MIB2: variants seen among roughly 807,000 people sequenced by gnomAD.
MIB2 encodes the protein MIB E3 ubiquitin protein ligase 2.
Under a neutral mutation model 96.6 loss-of-function variants are expected in MIB2, and 78 were observed. The observed-to-expected ratio is 0.81, with a 90% CI of 0.67 to 0.97. The LOEUF (loss-of-function observed/expected upper bound fraction) is 0.97. MIB2 is among the 50% of genes least tolerant of loss of function. MIB2 has a pLI of 0.00. For missense variants in MIB2, 1,543 were observed against 1,424.0 expected (o/e 1.08, Z -1.35); for synonymous variants, 820 against 629.5 (o/e 1.30, Z -4.53).
chr1:1,628,597 A>T lies in MIB2; in HGVS notation c.2077A>T (p.Ser693Cys). The change falls in exon 16 of 20, where the codon AGT becomes TGT. Residue 693 changes from serine to cysteine, a missense_variant. By Grantham distance (112) the Ser-to-Cys change is moderately radical. Transcript: ENST00000355826. ...LVPLLVDAGC[S>C]VNAEDEEGDT... ...GCCGCTACTGGTGGACGCTGGGTGC[A>T]GTGTCAACGCCGAGGACGAGGAGGG... is the stretch of plus-strand genomic sequence containing the variant. 6.2e-7 allele frequency: 1 copy of T among 1,600,816 alleles called. No homozygotes were observed. Among genetic ancestry groups the T allele is most frequent in the Non-Finnish European group, 8.5e-7 (1 of 1,177,788 alleles).
chr1:1,622,725 C>G (rs1644370428), intron 2 of MIB2, among the ~76,000 whole-genome samples: 1 of 152,168 alleles, frequency 6.6e-6, no homozygotes, highest in African/African-American at 2.4e-5. Context: ...GTCGTGAGTG[C>G]CTTGCGTGGC....
At chr1:1,619,310 G>A (rs1644041276) in intron 2 of MIB2, 1 of 152,320 alleles carries the variant, frequency 6.6e-6, no homozygotes, top group South Asian at 2.1e-4. Context: ...GGGAGGCGGA[G>A]CTTGCAGTGA....
intron 4 of MIB2, 132 bp from the exon 5 acceptor site, chr1:1,624,663 A>G (rs1644568324): frequency 1.2e-6 from 1 of 829,358 alleles, no homozygotes; most frequent in African/African-American, 1.7e-5. Context: ...CCCGGGCAAG[A>G]GCTGGGGCTG....
rs1335413623 is a variant in MIB2, at chr1:1,615,649, G to A, written c.-130+16G>A. ...TCGGCTGATGGTGCGTGCGGGCGCG[G>A]ATCTCCTCCCCTGGTCCTCCGCACC... On this transcript the variant is annotated intron_variant, in intron 1 of 19. Coordinates refer to ENST00000355826, the MANE Select transcript of MIB2 (RefSeq NM_001170687.4). 2 of 1,573,522 alleles carry A rather than the reference G, an allele frequency of 1.3e-6. No homozygotes were observed. The highest frequency in any genetic ancestry group is 1.7e-6 in the Non-Finnish European group (2 of 1,163,666).
Position 1,627,156 on chromosome 1 carries a change from G to A in MIB2, c.1323G>A (p.Ala441=), listed in dbSNP as rs11544452. The change falls in exon 11 of 20, where the codon GCG becomes GCA. Residue 441 remains alanine, a synonymous_variant. Transcript: ENST00000355826. ...CGGGAAGGCTGGTGGTGGAGGTGGC[G>A]CTGGGTAACGCAGCCCGGGCTCTGG... The part of the protein sequence containing the change: ...EHPGRLVVEV[A]LGNAARALDL... 0.13 allele frequency: 210,798 copies of A among 1,589,536 alleles called. 16,143 individuals are homozygous for A. The highest frequency in any genetic ancestry group is 0.31 in the Admixed American group (17,436 of 55,460).
Position 1,628,060 on chromosome 1 carries a change from G to T in MIB2, c.1722G>T (p.Ala574=), listed in dbSNP as rs371136243. The T allele has an allele frequency of 1.2e-6, 2 of 1,613,166 alleles. No individual in the cohort carries two copies. The highest frequency in any genetic ancestry group is 8.5e-7 in the Non-Finnish European group (1 of 1,179,972). Residue 574 remains alanine, a synonymous_variant, in exon 14 of 20, where the codon GCG becomes GCT. Transcript: ENST00000355826. ...CGCCCCTGCACTCCGCCATCTCGGCGGGCACTGGAGCCAGCGGCATTGTCG... is the reference window on the plus strand; with the variant it reads ...CGCCCCTGCACTCCGCCATCTCGGCTGGCACTGGAGCCAGCGGCATTGTCG... ...SDTPLHSAIS[A]GTGASGIVEV...
In MIB2 at chr1:1,629,468, G is replaced by T. The variant is rs972931841; in HGVS notation, c.2465G>T (p.Gly822Val). 3.3e-6 allele frequency: 5 copies of T among 1,531,802 alleles called. No homozygotes were observed. The highest frequency in any genetic ancestry group is 1.4e-5 in the African/African-American group (1 of 72,498). 94.9% of individuals were successfully genotyped at this position (1,531,802 alleles called of 1,614,324 possible). The change falls in exon 18 of 20, where the codon GGC becomes GTC. Residue 822 changes from glycine (G) to valine (V), a missense_variant. Physicochemically the swap from Gly to Val is moderately radical, Grantham distance 109. Transcript: ENST00000355826. ...TPNTVTNLHV[G>V]AAPGPEAAEC... The stretch of plus-strand genomic sequence containing the variant: ...AACACCGTGACGAACCTGCACGTGG[G>T]CGCCGCGCCGGGGCCCGAGGCCGCT...
intron 1 of MIB2, 53 bp from the exon 2 acceptor site, chr1:1,616,455 A>G (rs1643692023): frequency 7.6e-7 from 1 of 1,324,494 alleles, no homozygotes; most frequent in Non-Finnish European, 1.0e-6. Context: ...CAGGCGACCG[A>G]GCCGCGGGTC....
chr1:1,620,790 C>T (rs1005291596), intron 2 of MIB2, among the ~76,000 whole-genome samples: 3 of 152,228 alleles, frequency 2.0e-5, no homozygotes, highest in Non-Finnish European at 4.4e-5. Context: ...CAGAGCCTGC[C>T]CCCCAGCTGG....
chr1:1,624,890 G>A lies in MIB2; in HGVS notation c.515G>A (p.Gly172Asp). ...GTGCGAGGCCCCGACTGGGAGTGGG[G>A]CTCACAGGATGGTGAGTGGAGGCAG... ...KVVRGPDWEWGSQDGGEGKPG... is the reference protein window; with the variant it reads ...KVVRGPDWEWDSQDGGEGKPG... The change falls in exon 5 of 20, where the codon GGC becomes GAC. Residue 172 changes from glycine (G) to aspartate (D), a missense_variant. Physicochemically the swap from Gly to Asp is moderately conservative, Grantham distance 94 (BLOSUM62 -1). Transcript: ENST00000355826. 6.2e-7 allele frequency: 1 copy of A among 1,612,804 alleles called. No homozygotes were observed. The highest frequency in any genetic ancestry group is 1.1e-5 in the South Asian group (1 of 91,072).
chr1:1,626,730 C>A lies in MIB2; in HGVS notation c.1053C>A (p.Gly351=). The A allele has an allele frequency of 6.3e-7, 1 of 1,598,494 alleles. No homozygotes were observed. Among genetic ancestry groups the A allele is most frequent in the South Asian group, 1.1e-5 (1 of 89,378 alleles). Residue 351 remains glycine, a synonymous_variant, in exon 9 of 20, where the codon GGC becomes GGA. Coordinates refer to ENST00000355826, the MANE Select transcript of MIB2 (RefSeq NM_001170687.4). This position sits in a 1 kb window ranked among gnomAD's most constrained non-coding sequence, Gnocchi z 5.3. ...TGAAGCGGCTGCAGGCTGGGCATGG[C>A]GAGTGGACGGACGACATGGCCCCTG... The part of the protein sequence containing the change: ...DTVKRLQAGH[G]EWTDDMAPAL...
At chr1:1,622,955 TC>T (rs1311977810) in intron 2 of MIB2, among the ~76,000 whole-genome samples, 3 of 151,930 alleles carry the variant, frequency 2.0e-5, no homozygotes, top group African/African-American at 7.3e-5. Context: ...TCATAGGAGT[TC>T]CTCGCCCTGT....
At chr1:1,615,121 G>A (rs1460872869), upstream of MIB2, 1 of 335,402 alleles carries the variant, frequency 3.0e-6, no homozygotes, top group Non-Finnish European at 5.5e-6. Context: ...GTCCAACTCT[G>A]GGGTGCAGAA....
At position 1,629,305 on chromosome 1, in the gene MIB2, G is replaced by A. The variant is rs2100572710; in HGVS notation, c.2375G>A (p.Arg792His). The change falls in exon 17 of 20, where the codon CGC becomes CAC. Residue 792 changes from arginine to histidine, a missense_variant. Arg to His is a conservative substitution (Grantham distance 29). Coordinates refer to ENST00000355826, the MANE Select transcript of MIB2 (RefSeq NM_001170687.4). Reference protein sequence around the residue: ...VLKALQGCAQRFRERQAGGGA... With the variant: ...VLKALQGCAQHFRERQAGGGA... ...AAGGCCCTTCAGGGCTGCGCCCAGC[G>A]CTTCCGGTGAGTCCGTGGACGGCGG... 1.3e-6 allele frequency: 2 copies of A among 1,496,568 alleles called. No homozygotes were observed. Among genetic ancestry groups the A allele is most frequent in the Non-Finnish European group, 1.8e-6 (2 of 1,138,508 alleles). 92.7% of individuals were successfully genotyped at this position (1,496,568 alleles called of 1,614,324 possible).
At position 1,623,611 on chromosome 1, in the gene MIB2, C is replaced by G. The variant is rs1175258351; in HGVS notation, c.159C>G (p.Val53=). The change falls in exon 3 of 20, where the codon GTC becomes GTG. Residue 53 remains valine, a synonymous_variant. Transcript: ENST00000355826. ...CCTCGACACCCGACCGCACAGTGGT[C>G]GTGCAGTGGGACCAGGGCACGCGCA... is the stretch of plus-strand genomic sequence containing the variant. ...GSPSTPDRTV[V]VQWDQGTRTN... 5 of 1,496,000 alleles carry G rather than the reference C, an allele frequency of 3.3e-6. No individual in the cohort carries two copies. The African/African-American group carries it at 5.6e-5, about 17-fold the overall frequency. The allele number at this position is 1,496,000 out of a possible 1,614,324, so 92.7% of individuals were successfully genotyped here.
In MIB2 at chr1:1,624,842, G is replaced by A; in HGVS notation, c.467G>A (p.Gly156Asp). The A allele has an allele frequency of 6.2e-7, 1 of 1,613,162 alleles. No homozygotes were observed. The highest frequency in any genetic ancestry group is 8.5e-7 in the Non-Finnish European group (1 of 1,179,988). The change falls in exon 5 of 20, where the codon GGC (glycine) becomes GAC (aspartate). Residue 156 changes from glycine to aspartate, a missense_variant. By Grantham distance (94) the Gly-to-Asp change is moderately conservative. Transcript: ENST00000355826. ...RQGLPRIPLR[G>D]IFQGAKVVRG... is the part of the protein sequence containing the mutation. ...GGCCTCCCGAGGATCCCACTAAGGG[G>A]CATCTTCCAGGGAGCGAAGGTGGTG... is the stretch of plus-strand genomic sequence containing the variant.
Position 1,627,728 on chromosome 1 carries a change from A to G in MIB2, c.1579A>G (p.Ile527Val), listed in dbSNP as rs1644942585. The change falls in exon 13 of 20, where the codon ATC (isoleucine) becomes GTC (valine). Residue 527 changes from isoleucine to valine, a missense_variant. Transcript: ENST00000355826. ...LLSAGCRADA[I>V]NSTQSTALHV... ...GAGTGCTGGGTGCCGGGCGGACGCC[A>G]TCAACAGCACCCAGAGCACAGCACT... 1 of 1,595,968 alleles carries G rather than the reference A, an allele frequency of 6.3e-7. No individual in the cohort carries two copies. Among genetic ancestry groups the G allele is most frequent in the Non-Finnish European group, 8.5e-7 (1 of 1,178,770 alleles).
At position 1,629,578 on chromosome 1, in the gene MIB2, G is replaced by GC; in HGVS notation, c.2563+16dup. The stretch of plus-strand genomic sequence containing the variant: ...CACCGTGTGTGAGGGTGAGTGGGGG[G>GC]CCCCGGGGTGGGGAGGCCCGGCTAG... On this transcript the variant is annotated intron_variant, in intron 18 of 19. Coordinates refer to ENST00000355826, the MANE Select transcript of MIB2 (RefSeq NM_001170687.4). 2.0e-6 allele frequency: 3 copies of GC among 1,507,874 alleles called. No individual in the cohort carries two copies. Among genetic ancestry groups the GC allele is most frequent in the Non-Finnish European group, 1.8e-6 (2 of 1,112,300 alleles). The allele number at this position is 1,507,874 out of a possible 1,614,324, so 93.4% of individuals were successfully genotyped here.
chr1:1,620,002 T>C (rs1329991678), intron 2 of MIB2, among the ~76,000 whole-genome samples: 2 of 152,234 alleles, frequency 1.3e-5, no homozygotes, highest in South Asian at 2.1e-4. Flanking sequence ...CCACTGCCCC[T>C]GTGACGCGGG....
Sources: allele counts gnomAD v4.1 joint callset (sites outside exome capture counted in the v4.1 genomes callset), GRCh38; gene constraint gnomAD v4.1.1; non-coding constraint Gnocchi (gnomAD v3.1); transcripts MANE v1.5; gene names NCBI Gene and HGNC (gene_info 2026-07-23, HGNC 2026-07-21).